ATRX: variants seen among roughly 807,000 people sequenced by gnomAD.
ATRX encodes the protein ATRX chromatin remodeler, also known as chromatin remodeler ATRX.
Under a neutral mutation model 172.6 loss-of-function variants are expected in ATRX, and 12 were observed. That is an observed-to-expected ratio of 0.07 (90% confidence interval 0.04 to 0.11). ATRX has a LOEUF of 0.11. ATRX is among the 10% of genes least tolerant of loss of function. The pLI is 1.00. For missense variants in ATRX, 1,368 were observed against 1,767.4 expected (o/e 0.77, Z 4.05); for synonymous variants, 674 against 594.7 (o/e 1.13, Z -1.94).
At chrX:77,558,554 G>T in intron 29 of ATRX, 115 bp downstream of exon 29, 1 of 679,710 alleles carries the variant, frequency 1.5e-6, no homozygotes, top group Non-Finnish European at 2.2e-6. Context: ...TTTATGTACA[G>T]AAATGGTATT....
At position 77,599,599 on chromosome X, in the gene ATRX, AC is replaced by A. The variant is rs781977725; in HGVS notation, c.5787-20del. ...CTTCTTTCTAAAAACAAACAAACAA[AC>A]AAACAAAAAAACACATTCAGATTGT... On this transcript the variant is annotated intron_variant, in intron 24 of 34. Transcript: ENST00000373344. The A allele has an allele frequency of 1.7e-6, 2 of 1,206,716 alleles. No individual in the cohort carries two copies. The highest frequency in any genetic ancestry group is 3.5e-5 in the African/African-American group (2 of 56,699).
chrX:77,733,311 T>C (rs1199509886), intron 1 of ATRX, among the ~76,000 whole-genome samples: 2 of 111,354 alleles, frequency 1.8e-5, no homozygotes, highest in Non-Finnish European at 3.8e-5. Context: ...ATCCTAAAAC[T>C]TACACGGAAC....
chrX:77,588,886 G>A (rs2066133572), intron 27 of ATRX, among the ~76,000 whole-genome samples: 1 of 111,994 alleles, frequency 8.9e-6, no homozygotes, highest in Non-Finnish European at 1.9e-5. Flanking sequence ...AACATTATTA[G>A]TCATTAGAGA....
Position 77,569,095 on chromosome X carries a change from T to C in ATRX, c.6326+5155A>G, listed in dbSNP as rs181838612. 1.3e-4 allele frequency among the ~76,000 whole-genome samples: 14 copies of C among 110,637 alleles called. No individual in the cohort carries two copies. The East Asian group carries it at 2.6e-3, about 20-fold the overall frequency. ...CACCACAGAACTCCAGTCATGGTGA[T>C]AGACAGAAACCTTGTCTCAAAACAA... On this transcript the variant is annotated intron_variant, in intron 28 of 34. Transcript: ENST00000373344.
intron 34 of ATRX, 77 bp downstream of exon 34, chrX:77,520,711 T>G: frequency 9.5e-7 from 1 of 1,049,325 alleles, no homozygotes; most frequent in East Asian, 3.1e-5. Context: ...ATTACTGACG[T>G]AGATGTCATA....
intron 2 of ATRX, among the ~76,000 whole-genome samples, chrX:77,704,735 G>A (rs962563751): frequency 5.3e-5 from 6 of 112,487 alleles, no homozygotes; most frequent in Non-Finnish European, 7.5e-5. Flanking sequence ...GCCAGGCTAC[G>A]ACAGCACCCA....
rs538044587 is a variant in ATRX, at chrX:77,766,869, T to C, written c.20+19113A>G. 3.4e-3 allele frequency among the ~76,000 whole-genome samples: 374 copies of C among 111,505 alleles called. 2 individuals carry two copies. The highest frequency in any genetic ancestry group is 0.011 in the African/African-American group (341 of 30,712). ...CGGCACTTTGGGAGGCCAAGGCAGG[T>C]GGCTGGGAGGTGAGGTTGTAGCGAG... On this transcript the variant is annotated intron_variant, in intron 1 of 34. Coordinates refer to ENST00000373344, the MANE Select transcript of ATRX (RefSeq NM_000489.6).
At chrX:77,662,037 T>C (rs782187932) in intron 12 of ATRX, among the ~76,000 whole-genome samples, 3 of 111,740 alleles carry the variant, frequency 2.7e-5, no homozygotes, top group Non-Finnish European at 3.8e-5. Context: ...TGCTCCCACA[T>C]TTTGAATTTA....
intron 1 of ATRX, among the ~76,000 whole-genome samples, chrX:77,762,354 A>AT (rs1169907876): frequency 1.6e-4 from 17 of 106,576 alleles, no homozygotes; most frequent in African/African-American, 3.7e-4. Context: ...ACTAGAAGAG[A>AT]TTTTTTTTAA....
chrX:77,783,559 T>C, intron 1 of ATRX, among the ~76,000 whole-genome samples: 1 of 112,186 alleles, frequency 8.9e-6, no homozygotes, highest in South Asian at 3.7e-4. Flanking sequence ...GAACTAGTCT[T>C]TGTTCCTGCT....
In ATRX at chrX:77,515,627, C is replaced by T. The variant is rs184019093; in HGVS notation, c.7200+5161G>A. On this transcript the variant is annotated intron_variant, in intron 34 of 34. Coordinates refer to ENST00000373344, the MANE Select transcript of ATRX (RefSeq NM_000489.6). ...GCATCCTGTGATTTCCAAACCTCAG[C>T]TAGCAGAGCCATAGCCTGCTACTAA... Among the ~76,000 whole-genome samples, 4 of 111,659 alleles carry T rather than the reference C, an allele frequency of 3.6e-5. No homozygotes were observed. The Admixed American group carries it at 3.8e-4, about 11-fold the overall frequency.
intron 1 of ATRX, among the ~76,000 whole-genome samples, chrX:77,731,773 C>T (rs782146153): frequency 3.6e-5 from 4 of 110,746 alleles, no homozygotes; most frequent in East Asian, 2.9e-4. Context: ...AAGAAACGGC[C>T]GGACTTCAGG....
intron 34 of ATRX, among the ~76,000 whole-genome samples, chrX:77,511,632 A>T (rs1174213759): frequency 1.8e-5 from 2 of 112,004 alleles, no homozygotes; most frequent in African/African-American, 6.5e-5. Context: ...AATTTAAAAG[A>T]ATCAAGCAGA....
Position 77,508,226 on chromosome X carries a change from A to G in ATRX, c.*125T>C. The G allele has an allele frequency of 1.2e-6, 1 of 834,401 alleles. No homozygotes were observed. Among genetic ancestry groups the G allele is most frequent in the Admixed American group, 3.1e-5 (1 of 31,878 alleles). The allele number at this position is 834,401 out of a possible 1,213,427, so 68.8% of individuals were successfully genotyped here. On this transcript the variant is annotated 3_prime_UTR_variant, in exon 35 of 35. Coordinates refer to ENST00000373344, the MANE Select transcript of ATRX (RefSeq NM_000489.6). The stretch of plus-strand genomic sequence containing the variant: ...TAAAAAAAAAAAAAGTAAAACTAAT[A>G]TGGAAGATTGGCATTTAAGGGGACC...
At chrX:77,727,692 A>C in intron 1 of ATRX, among the ~76,000 whole-genome samples, 1 of 108,670 alleles carries the variant, frequency 9.2e-6, no homozygotes, top group Non-Finnish European at 1.9e-5. Context: ...GGTTGGGGGC[A>C]AGGGGAGGGA....
intron 28 of ATRX, among the ~76,000 whole-genome samples, chrX:77,565,860 A>C (rs2065180318): frequency 9.0e-6 from 1 of 110,796 alleles, no homozygotes; most frequent in Non-Finnish European, 1.9e-5. Flanking sequence ...TCTCAAAAAA[A>C]AAAAAAATTA....
intron 7 of ATRX, among the ~76,000 whole-genome samples, chrX:77,685,581 C>G (rs2071505059): frequency 8.9e-6 from 1 of 112,024 alleles, no homozygotes; most frequent in Admixed American, 9.5e-5. Flanking sequence ...CCCTTGTATA[C>G]TGTTGGTAGG....
chrX:77,560,090 G>T (rs2064964754), intron 28 of ATRX, among the ~76,000 whole-genome samples: 1 of 111,461 alleles, frequency 9.0e-6, no homozygotes, highest in African/African-American at 3.3e-5. Flanking sequence ...GTTGAAATTG[G>T]TTACCTCCAG....
At chrX:77,649,252 A>G (rs982833610) in intron 15 of ATRX, among the ~76,000 whole-genome samples, 1 of 111,559 alleles carries the variant, frequency 9.0e-6, no homozygotes, top group Non-Finnish European at 1.9e-5. Context: ...TACAATATAT[A>G]AAAGGAGTAA....
Sources: allele counts gnomAD v4.1 joint callset (sites outside exome capture counted in the v4.1 genomes callset), GRCh38; gene constraint gnomAD v4.1.1; transcripts MANE v1.5; gene names NCBI Gene and HGNC (gene_info 2026-07-23, HGNC 2026-07-21).